DYNC2I1: variants seen among roughly 807,000 people sequenced by gnomAD.
DYNC2I1 encodes cytoplasmic dynein 2 intermediate chain 1.
DYNC2I1 carries 89 observed loss-of-function variants against 133.4 expected under a neutral mutation model. The ratio of observed to expected loss-of-function variants is 0.67; its 90% CI spans 0.56 to 0.80. The LOEUF is 0.80. Among genes scored for constraint, DYNC2I1 ranks in the 30% least tolerant of loss-of-function variants. DYNC2I1 has a pLI of 0.00. For synonymous variants in DYNC2I1, 504 were observed against 484.3 expected (o/e 1.04, Z -0.54); for missense variants, 1,291 against 1,314.5 (o/e 0.98, Z 0.28).
chr7:158,920,275 G>A (rs558803603), intron 15 of DYNC2I1, among the ~76,000 whole-genome samples: 4 of 148,662 alleles, frequency 2.7e-5, no homozygotes, highest in East Asian at 2.0e-4. Flanking sequence ...GTACCACAGC[G>A]TGTGGCCTCC....
chr7:158,889,428 C>T (rs578045136), intron 7 of DYNC2I1, among the ~76,000 whole-genome samples: 17 of 152,108 alleles, frequency 1.1e-4, no homozygotes, highest in Admixed American at 8.5e-4. Context: ...CCAGTTTGGA[C>T]GATATAGATC....
intron 19 of DYNC2I1, 65 bp downstream of exon 19, chr7:158,926,528 C>A: frequency 1.3e-6 from 2 of 1,556,198 alleles, no homozygotes; most frequent in Non-Finnish European, 1.8e-6. Flanking sequence ...GGAGGTGGCG[C>A]CTGAATGGCG....
chr7:158,937,008 C>T (rs1379017077), intron 23 of DYNC2I1, among the ~76,000 whole-genome samples: 2 of 152,148 alleles, frequency 1.3e-5, no homozygotes, highest in Non-Finnish European at 2.9e-5. Flanking sequence ...GAAACAGCAG[C>T]AAACAGGGAA....
chr7:158,882,870 T>C (rs1013478870), intron 5 of DYNC2I1, among the ~76,000 whole-genome samples: 5 of 136,368 alleles, frequency 3.7e-5, no homozygotes, highest in Non-Finnish European at 7.8e-5. Flanking sequence ...AGTGAGCCTT[T>C]GTCTCAAAAA....
At position 158,938,754 on chromosome 7, in the gene DYNC2I1, T is replaced by TCAACAA. The variant is rs554871046; in HGVS notation, c.2779-3155_2779-3150dup. Among the ~76,000 whole-genome samples the TCAACAA allele has an allele frequency of 1.5e-4, 22 of 151,220 alleles. No individual in the cohort carries two copies. The South Asian group carries it at 1.7e-3, about 12-fold the overall frequency. ...CTGGGTGACAGAGTGAAACTCCATC[T>TCAACAA]CAACAACAACAACAACAACAAAAGA... is the stretch of plus-strand genomic sequence containing the variant. On this transcript the variant is annotated intron_variant, in intron 23 of 24. Transcript: ENST00000407559.
Position 158,856,627 on chromosome 7 carries a change from G to A in DYNC2I1, c.-109G>A, listed in dbSNP as rs959216807. The A allele has an allele frequency of 3.5e-6, 4 of 1,141,220 alleles. No homozygotes were observed. The highest frequency in any genetic ancestry group is 4.4e-6 in the Non-Finnish European group (4 of 905,628). 70.7% of individuals were successfully genotyped at this position (1,141,220 alleles called of 1,614,324 possible). A position where few individuals can be genotyped will look rare whatever the true frequency, so the allele number is the denominator to read the frequency against. On this transcript the variant is annotated 5_prime_UTR_variant, in exon 1 of 25. Transcript: ENST00000407559. ...GCTGCTCCTGCTTGTCGGTTGCTAG[G>A]CGCTGGGACGCGCCTCCCGAAGGGT...
At chr7:158,905,134 C>CTTTTTTTT in intron 10 of DYNC2I1, 2 of 313,830 alleles carry the variant, frequency 6.4e-6, no homozygotes, top group East Asian at 8.4e-5. Flanking sequence ...TCTTGTCTTT[C>CTTTTTTTT]TTTTTCTTTT....
upstream of DYNC2I1, among the ~76,000 whole-genome samples, chr7:158,855,430 A>C (rs960865000): frequency 1.3e-5 from 2 of 152,186 alleles, no homozygotes; most frequent in African/African-American, 2.4e-5. Context: ...TCTTAGGAGC[A>C]GTTTAGGGAG....
chr7:158,944,004 G>C (rs78784288), intron 24 of DYNC2I1, among the ~76,000 whole-genome samples: 1 of 152,336 alleles, frequency 6.6e-6, no homozygotes, highest in East Asian at 1.9e-4. Flanking sequence ...AGAGGGACCT[G>C]ACACAGAAAG....
downstream of DYNC2I1, among the ~76,000 whole-genome samples, chr7:158,947,011 C>T (rs1384941560): frequency 2.0e-5 from 3 of 152,238 alleles, no homozygotes; most frequent in Admixed American, 6.5e-5. Context: ...CCCGAGCAAC[C>T]GCCAGCCTTT....
chr7:158,857,542 T>TG (rs1289452639), intron 1 of DYNC2I1, among the ~76,000 whole-genome samples: 1 of 146,822 alleles, frequency 6.8e-6, no homozygotes, highest in African/African-American at 2.5e-5. Flanking sequence ...AGGTTTTTGT[T>TG]TTTTTTTTTT....
chr7:158,851,638 T>G (rs1841063227), upstream of DYNC2I1, among the ~76,000 whole-genome samples: 1 of 152,216 alleles, frequency 6.6e-6, no homozygotes, highest in Non-Finnish European at 1.5e-5. Context: ...CCAACTATAA[T>G]AAGACTAAAA....
At chr7:158,958,689 C>T (rs114891581), downstream of DYNC2I1, among the ~76,000 whole-genome samples, 1 of 152,238 alleles carries the variant, frequency 6.6e-6, no homozygotes, top group Non-Finnish European at 1.5e-5. Flanking sequence ...AGACAAAACT[C>T]CTCCTATAAC....
At chr7:158,842,912 GCA>G in the DYNC2I1 span, among the ~76,000 whole-genome samples, 1 of 152,186 alleles carries the variant, frequency 6.6e-6, no homozygotes, top group Non-Finnish European at 1.5e-5. Flanking sequence ...TGAAATCAAA[GCA>G]CAGAGTATTA....
At chr7:158,876,848 C>A (rs1477020141) in intron 4 of DYNC2I1, among the ~76,000 whole-genome samples, 157 bp downstream of exon 4, 2 of 152,056 alleles carry the variant, frequency 1.3e-5, no homozygotes, top group African/African-American at 4.8e-5. Context: ...TTTCTTTCTC[C>A]TCATAGTCAA....
intron 1 of DYNC2I1, among the ~76,000 whole-genome samples, chr7:158,864,070 C>CGGTG (rs1563074011): frequency 1.1e-5 from 1 of 92,214 alleles, no homozygotes; most frequent in Non-Finnish European, 2.0e-5. Context: ...CCTTAGCTCC[C>CGGTG]GGTGTGTGTG....
intron 11 of DYNC2I1, among the ~76,000 whole-genome samples, chr7:158,908,009 A>C (rs1847019265): frequency 6.6e-6 from 1 of 152,176 alleles, no homozygotes; most frequent in South Asian, 2.1e-4. Flanking sequence ...ATTTTGGATC[A>C]AAAATTTTAT....
At chr7:158,850,402 A>G in the DYNC2I1 span, among the ~76,000 whole-genome samples, 1 of 152,192 alleles carries the variant, frequency 6.6e-6, no homozygotes, top group African/African-American at 2.4e-5. Context: ...CCACAGCCAC[A>G]GTTTGGAAGG....
At chr7:158,906,410 T>C (rs551747804) in intron 11 of DYNC2I1, among the ~76,000 whole-genome samples, 2 of 152,308 alleles carry the variant, frequency 1.3e-5, no homozygotes, top group East Asian at 3.9e-4. Flanking sequence ...GGGTCTATTA[T>C]ACTAAGCCCA....
Sources: gnomAD v4.1 joint callset for allele counts (sites outside exome capture counted in the v4.1 genomes callset) on GRCh38, gnomAD v4.1.1 for gene constraint, MANE v1.5 for transcripts, NCBI Gene and HGNC (gene_info 2026-07-23, HGNC 2026-07-21) for gene names.